The following TMEM236 variants were observed in gnomAD, a reference collection of about 807,000 sequenced individuals.
TMEM236 encodes transmembrane protein 236, also known as family with sequence similarity 23, member A.
In TMEM236, 11 loss-of-function variants were observed where a neutral mutation model predicts 14.7. The observed-to-expected ratio is 0.75, with a 90% CI of 0.47 to 1.24. TMEM236 has a LOEUF of 1.24. Among genes scored for constraint, TMEM236 ranks in the 50% most tolerant of loss-of-function variants. The pLI, the probability that TMEM236 is intolerant of heterozygous loss-of-function variation, is 0.00. For missense variants in TMEM236, 464 were observed against 427.3 expected (o/e 1.09, Z -0.76); for synonymous variants, 182 against 168.6 (o/e 1.08, Z -0.62).
intron 3 of TMEM236, among the ~76,000 whole-genome samples, chr10:17,777,056 A>G (rs949907884): frequency 1.3e-5 from 2 of 152,112 alleles, no homozygotes; most frequent in Admixed American, 6.6e-5. Flanking sequence ...GGGTGAATGG[A>G]GTCAACTGAG....
At chr10:17,791,809 C>T (rs1837929875) in intron 3 of TMEM236, among the ~76,000 whole-genome samples, 1 of 152,182 alleles carries the variant, frequency 6.6e-6, no homozygotes, top group Non-Finnish European at 1.5e-5. Flanking sequence ...TCTCTCATCA[C>T]AGAATTTACT....
chr10:17,793,986 C>T (rs960096339), intron 3 of TMEM236, among the ~76,000 whole-genome samples: 1 of 152,142 alleles, frequency 6.6e-6, no homozygotes. Context: ...GTCATGGGTG[C>T]TGACATTTAC....
Position 17,798,567 on chromosome 10 carries a change from T to G in TMEM236, c.*2063T>G, listed in dbSNP as rs1161849761. ...AAATAAAAGAGAATTTGACGTTGTG[T>G]TATTCTACGCTCCACCAAATACCTC... On this transcript the variant is annotated 3_prime_UTR_variant, in exon 4 of 4. Transcript: ENST00000377495. 5 of 534,336 alleles carry G rather than the reference T, an allele frequency of 9.4e-6. No homozygotes were observed. The highest frequency in any genetic ancestry group is 1.9e-5 in the African/African-American group (1 of 51,932). 33.1% of individuals were successfully genotyped at this position (534,336 alleles called of 1,614,324 possible).
rs1264285832 is a variant in TMEM236, at chr10:17,796,531, C to G, written c.*27C>G. Reference sequence around the variant, plus strand: ...AAGGAAATGGGATCTAGTAAGGCCTCTTTGTGATACCTGTGTGCACATTTG... The same window carrying G: ...AAGGAAATGGGATCTAGTAAGGCCTGTTTGTGATACCTGTGTGCACATTTG... On this transcript the variant is annotated 3_prime_UTR_variant, in exon 4 of 4. Transcript: ENST00000377495. 3.9e-6 allele frequency: 6 copies of G among 1,541,830 alleles called. No individual in the cohort carries two copies. The African/African-American group carries it at 8.2e-5, about 21-fold the overall frequency.
chr10:17,795,233 T>G (rs964822350), intron 3 of TMEM236, among the ~76,000 whole-genome samples: 4 of 152,262 alleles, frequency 2.6e-5, no homozygotes, highest in Non-Finnish European at 5.9e-5. Flanking sequence ...TAGCTCATGA[T>G]CTATTGCATC....
chr10:17,783,318 A>G (rs919480493), intron 3 of TMEM236, among the ~76,000 whole-genome samples: 19 of 152,108 alleles, frequency 1.2e-4, no homozygotes, highest in African/African-American at 4.1e-4. Context: ...CGGTGTGGCA[A>G]GAGGGGTTTG....
At chr10:17,760,414 A>G (rs1237118922) in intron 1 of TMEM236, among the ~76,000 whole-genome samples, 1 of 152,088 alleles carries the variant, frequency 6.6e-6, no homozygotes, top group East Asian at 1.9e-4. Context: ...TAAATTGCAC[A>G]AGATCATCAA....
chr10:17,783,425 C>A (rs1257450720), intron 3 of TMEM236, among the ~76,000 whole-genome samples: 1 of 152,104 alleles, frequency 6.6e-6, no homozygotes, highest in Non-Finnish European at 1.5e-5. Flanking sequence ...GCAAAGGAGG[C>A]GGTTTCCACT....
intron 3 of TMEM236, among the ~76,000 whole-genome samples, chr10:17,787,904 A>T (rs1837864975): frequency 6.6e-6 from 1 of 152,122 alleles, no homozygotes. Flanking sequence ...AAGCACTTAA[A>T]ACTCCTGAGT....
In TMEM236 at chr10:17,774,798, T is replaced by TTCTCTCTCTCTC. The variant is rs781848506; in HGVS notation, c.331-1217_331-1206dup. Reference sequence around the variant, plus strand: ...CTCCCTCCCTCCTTCCCTACCTCCTTTCTCTCTCTCTCTCTCTCTCTCTCT... The same window carrying TTCTCTCTCTCTC: ...CTCCCTCCCTCCTTCCCTACCTCCTTTCTCTCTCTCTCTCTCTCTCTCTCTCTCTCTCTCTCT... On this transcript the variant is annotated intron_variant, in intron 2 of 3. Transcript: ENST00000377495. 1.9e-3 allele frequency among the ~76,000 whole-genome samples: 266 copies of TTCTCTCTCTCTC among 142,148 alleles called. 1 individual carries two copies. Among genetic ancestry groups the TTCTCTCTCTCTC allele is most frequent in the Middle Eastern group, 7.0e-3 (2 of 284 alleles). 93.3% of individuals were successfully genotyped at this position (142,148 alleles called of 152,430 possible).
intron 3 of TMEM236, among the ~76,000 whole-genome samples, chr10:17,784,919 A>C (rs1837809289): frequency 6.6e-6 from 1 of 152,132 alleles, no homozygotes; most frequent in Non-Finnish European, 1.5e-5. Context: ...GTGCAGCAGA[A>C]ATTGGAACCA....
In TMEM236 at chr10:17,795,918, C is replaced by T. The variant is rs1481027056; in HGVS notation, c.473-3C>T. 25 of 1,613,348 alleles carry T rather than the reference C, an allele frequency of 1.5e-5. No homozygotes were observed. The highest frequency in any genetic ancestry group is 2.1e-5 in the Non-Finnish European group (25 of 1,179,474). On this transcript the variant is annotated splice_region_variant and splice_polypyrimidine_tract_variant and intron_variant, in intron 3 of 3. Transcript: ENST00000377495. ...AAAATGTAAATAAATCTGTTAATTG[C>T]AGGTAGTGAAAATGGACACATCCAT...
At chr10:17,791,969 A>G (rs2477657) in intron 3 of TMEM236, among the ~76,000 whole-genome samples, 148,693 of 152,364 alleles carry the variant, frequency 0.98, 72,593 homozygotes, top group Middle Eastern at 1. Context: ...CGGCACTCTC[A>G]TATTTGCTCA....
intron 2 of TMEM236, among the ~76,000 whole-genome samples, chr10:17,771,728 C>T (rs1255394517): frequency 1.3e-5 from 2 of 152,316 alleles, no homozygotes; most frequent in East Asian, 3.8e-4. Context: ...ATGAATACAA[C>T]AAGATCTAAG....
intron 1 of TMEM236, among the ~76,000 whole-genome samples, chr10:17,755,143 G>T (rs1429643052): frequency 1.3e-5 from 2 of 151,382 alleles, no homozygotes; most frequent in Admixed American, 6.6e-5. Context: ...TAGAGACAGG[G>T]TTTCTTCATG....
intron 1 of TMEM236, among the ~76,000 whole-genome samples, chr10:17,753,213 A>C (rs1208649339): frequency 4.6e-5 from 7 of 152,220 alleles, no homozygotes; most frequent in Non-Finnish European, 1.0e-4. Flanking sequence ...ATTCCTTAGC[A>C]GGGAATCCCC....
At chr10:17,759,970 G>T (rs1261466780) in intron 1 of TMEM236, among the ~76,000 whole-genome samples, 1 of 116,462 alleles carries the variant, frequency 8.6e-6, no homozygotes, top group African/African-American at 3.4e-5. Context: ...ACGAAAGAGC[G>T]AGACTCCGTC....
At chr10:17,769,081 C>T (rs1306538820) in intron 1 of TMEM236, among the ~76,000 whole-genome samples, 2 of 152,112 alleles carry the variant, frequency 1.3e-5, no homozygotes, top group African/African-American at 4.8e-5. Context: ...CTTTCCCCAA[C>T]ATTGGAGCAG....
chr10:17,762,632 T>C (rs1347782618), intron 1 of TMEM236, among the ~76,000 whole-genome samples: 13 of 124,594 alleles, frequency 1.0e-4, no homozygotes, highest in South Asian at 8.3e-4. Flanking sequence ...CACATACATA[T>C]ATATATATAT....
Sources: gnomAD v4.1 joint callset for allele counts (sites outside exome capture counted in the v4.1 genomes callset) on GRCh38, gnomAD v4.1.1 for gene constraint, MANE v1.5 for transcripts, NCBI Gene and HGNC (gene_info 2026-07-23, HGNC 2026-07-21) for gene names.